The following FBF1 variants were observed in gnomAD, a reference collection of about 807,000 sequenced individuals.
FBF1 encodes Fas binding factor 1, also known as fas-binding factor 1.
In FBF1, 119 loss-of-function variants were observed where a neutral mutation model predicts 147.2. The observed-to-expected ratio is 0.81, with a 90% CI of 0.70 to 0.94. FBF1 has a LOEUF of 0.94. FBF1 is among the 40% of genes least tolerant of loss of function. The pLI is 0.00. For synonymous variants in FBF1, 601 were observed against 609.0 expected (o/e 0.99, Z 0.19); for missense variants, 1,449 against 1,500.8 (o/e 0.97, Z 0.57).
chr17:75,919,705 T>A lies in FBF1; in HGVS notation c.2101A>T (p.Lys701Ter). ...QRRLAAIAQE[K>*]DQEMERLREL... Reference sequence around the variant, plus strand: ...CGGAGCCGCTCCATTTCCTGGTCCTTCTCCTGCGCTATGGCCGCCAAGCGC... The same window carrying A: ...CGGAGCCGCTCCATTTCCTGGTCCTACTCCTGCGCTATGGCCGCCAAGCGC... Residue 701 changes from lysine (K) to a stop codon, truncating the protein, a stop_gained, in exon 20 of 30, where the codon AAG becomes TAG. Coordinates refer to ENST00000636174, the MANE Select transcript of FBF1 (RefSeq NM_001319193.2). LOFTEE classifies it high-confidence loss of function. This position sits in a 1 kb window ranked among gnomAD's most constrained non-coding sequence, Gnocchi z 5.0. 1 of 1,611,914 alleles carries A rather than the reference T, an allele frequency of 6.2e-7. No homozygotes were observed. Among genetic ancestry groups the A allele is most frequent in the African/African-American group, 1.3e-5 (1 of 74,950 alleles).
rs1217424617 is a variant in FBF1 at position 75,928,502 on chromosome 17, C to A, written c.280-309G>T. ...TGGCTGGTCTCGGGAAAAAAGCTTTCTTTTTTTTCTTTTTTTAGACAGGAT... is the reference window on the plus strand; with the variant it reads ...TGGCTGGTCTCGGGAAAAAAGCTTTATTTTTTTTCTTTTTTTAGACAGGAT... On this transcript the variant is annotated intron_variant, in intron 7 of 29. Coordinates refer to ENST00000636174, the MANE Select transcript of FBF1 (RefSeq NM_001319193.2). The surrounding 1 kb of genome is among the most constrained non-coding windows in gnomAD (Gnocchi z 4.2). Among the ~76,000 whole-genome samples, 2 of 151,872 alleles carry A rather than the reference C, an allele frequency of 1.3e-5. No individual in the cohort carries two copies. Among genetic ancestry groups the A allele is most frequent in the African/African-American group, 4.8e-5 (2 of 41,336 alleles).
intron 5 of FBF1, 38 bp from the exon 6 acceptor site, chr17:75,931,327 G>A (rs2065593524): frequency 1.3e-6 from 2 of 1,548,298 alleles, no homozygotes; most frequent in Non-Finnish European, 1.8e-6. Context: ...CTGCATCCCA[G>A]GGCACTGGAT....
intron 28 of FBF1, among the ~76,000 whole-genome samples, chr17:75,912,766 C>A (rs978541475): frequency 6.6e-6 from 1 of 152,204 alleles, no homozygotes; most frequent in East Asian, 1.9e-4. Context: ...CCAGGCTGGG[C>A]GCGTTGGCTC....
rs199593184 is a variant in FBF1, at chr17:75,917,954, C to T, written c.2363G>A (p.Arg788Gln). The T allele has an allele frequency of 6.9e-5, 110 of 1,604,272 alleles. No individual in the cohort carries two copies. In the African/African-American group the frequency reaches 1.0e-3, roughly 15 times the overall value. ...TTSQERELGI[R>Q]QRDEQLRALQ... Reference sequence around the variant, plus strand: ...ACCCCGCAGCTGCTCGTCACGCTGCCGGATCCCCAGCTCCCGCTCCTGGGA... The same window carrying T: ...ACCCCGCAGCTGCTCGTCACGCTGCTGGATCCCCAGCTCCCGCTCCTGGGA... The change falls in exon 22 of 30, where the codon CGG (arginine) becomes CAG (glutamine). Residue 788 changes from arginine to glutamine, a missense_variant. By Grantham distance (43) the Arg-to-Gln change is conservative. Transcript: ENST00000636174.
chr17:75,932,993 A>G lies in FBF1; in HGVS notation c.167+2T>C. 1 of 1,593,736 alleles carries G rather than the reference A, an allele frequency of 6.3e-7. No individual in the cohort carries two copies. ...GGATACCCAGTCGGACCCTGCCCTTACTTTGTTCTCGCCTTTGAAGAAGGG... is the reference window on the plus strand; with the variant it reads ...GGATACCCAGTCGGACCCTGCCCTTGCTTTGTTCTCGCCTTTGAAGAAGGG... On this transcript the variant is annotated splice_donor_variant, in intron 5 of 29. Coordinates refer to ENST00000636174, the MANE Select transcript of FBF1 (RefSeq NM_001319193.2). LOFTEE classifies it high-confidence loss of function.
At chr17:75,938,276 T>G in intron 1 of FBF1, 44 bp from the exon 2 acceptor site, 3 of 1,416,704 alleles carry the variant, frequency 2.1e-6, no homozygotes, top group Non-Finnish European at 2.9e-6. Context: ...TGATGTAGCT[T>G]TGGCTGGGCG....
chr17:75,934,555 CAAAA>C (rs974439444), intron 4 of FBF1, among the ~76,000 whole-genome samples: 1 of 84,368 alleles, frequency 1.2e-5, no homozygotes. Flanking sequence ...GACTCTGTCT[CAAAA>C]AAAAAAAAAA....
chr17:75,917,689 C>T (rs2065496714), intron 23 of FBF1, 43 bp downstream of exon 23: 4 of 1,515,698 alleles, frequency 2.6e-6, no homozygotes, highest in Non-Finnish European at 2.7e-6. Flanking sequence ...GAGAAGAGGC[C>T]CCGTGGCAGG....
rs962124034 is a variant in FBF1 at position 75,919,166 on chromosome 17, C to T, written c.2138+502G>A. On this transcript the variant is annotated intron_variant, in intron 20 of 29. Coordinates refer to ENST00000636174, the MANE Select transcript of FBF1 (RefSeq NM_001319193.2). The surrounding 1 kb of genome is among the most constrained non-coding windows in gnomAD (Gnocchi z 5.0). ...AAGTGATCCTCCCACCTCGGCCTCC[C>T]AAAGTGCTGGGATTACAGGTGTGAG... 6.6e-6 allele frequency among the ~76,000 whole-genome samples: 1 copy of T among 152,188 alleles called. No individual in the cohort carries two copies. Among genetic ancestry groups the T allele is most frequent in the Non-Finnish European group, 1.5e-5 (1 of 68,032 alleles).
At position 75,910,405 on chromosome 17, in the gene FBF1, C is replaced by T; in HGVS notation, c.*318G>A. On this transcript the variant is annotated 3_prime_UTR_variant, in exon 30 of 30. Transcript: ENST00000636174. This position sits in a 1 kb window ranked among gnomAD's most constrained non-coding sequence, Gnocchi z 4.1. ...TGGAGCAGGGGGAGCCCACAGAGCCCAGGGGGAGCCCACAGAGCCCAGTGA... is the reference window on the plus strand; with the variant it reads ...TGGAGCAGGGGGAGCCCACAGAGCCTAGGGGGAGCCCACAGAGCCCAGTGA... 1 of 386,816 alleles carries T rather than the reference C, an allele frequency of 2.6e-6. No individual in the cohort carries two copies. The highest frequency in any genetic ancestry group is 4.8e-6 in the Non-Finnish European group (1 of 209,380). 24.0% of individuals were successfully genotyped at this position (386,816 alleles called of 1,614,324 possible). A position where few individuals can be genotyped will look rare whatever the true frequency, so the allele number is the denominator to read the frequency against.
At position 75,923,076 on chromosome 17, in the gene FBF1, G is replaced by T; in HGVS notation, c.1424+110C>A. ...GCGGCCTCTGTGGCCACGGCGCCCT[G>T]CCTTGTTCCCCAACTGCTGACTGAG... On this transcript the variant is annotated intron_variant, in intron 14 of 29. Coordinates refer to ENST00000636174, the MANE Select transcript of FBF1 (RefSeq NM_001319193.2). The surrounding 1 kb of genome is among the most constrained non-coding windows in gnomAD (Gnocchi z 4.1). 3 of 1,154,326 alleles carry T rather than the reference G, an allele frequency of 2.6e-6. No homozygotes were observed. The highest frequency in any genetic ancestry group is 2.6e-5 in the East Asian group (1 of 38,728). The allele number at this position is 1,154,326 out of a possible 1,614,324, so 71.5% of individuals were successfully genotyped here.
chr17:75,918,529 ACT>A lies in FBF1; in HGVS notation c.2139-262_2139-261del, dbSNP rs2065503396. Among the ~76,000 whole-genome samples the A allele has an allele frequency of 6.6e-6, 1 of 151,818 alleles. No individual in the cohort carries two copies. Among genetic ancestry groups the A allele is most frequent in the African/African-American group, 2.4e-5 (1 of 41,380 alleles). Reference sequence around the variant, plus strand: ...TTTGCTCTGTCACCCAGAGTCTCTCACTCTGTCGCCCAGGCTGGAGTTCAGTG... The same window carrying A: ...TTTGCTCTGTCACCCAGAGTCTCTCACTGTCGCCCAGGCTGGAGTTCAGTG... On this transcript the variant is annotated intron_variant, in intron 20 of 29. Coordinates refer to ENST00000636174, the MANE Select transcript of FBF1 (RefSeq NM_001319193.2). The surrounding 1 kb of genome is among the most constrained non-coding windows in gnomAD (Gnocchi z 5.8).
chr17:75,923,085 C>T lies in FBF1; in HGVS notation c.1424+101G>A. ...GTGGCCACGGCGCCCTGCCTTGTTC[C>T]CCAACTGCTGACTGAGGCTGCAACA... On this transcript the variant is annotated intron_variant, in intron 14 of 29. Transcript: ENST00000636174. This position sits in a 1 kb window ranked among gnomAD's most constrained non-coding sequence, Gnocchi z 4.1. 8.1e-7 allele frequency: 1 copy of T among 1,239,730 alleles called. No individual in the cohort carries two copies. The highest frequency in any genetic ancestry group is 1.1e-6 in the Non-Finnish European group (1 of 904,868). 76.8% of individuals were successfully genotyped at this position (1,239,730 alleles called of 1,614,324 possible).
intron 9 of FBF1, among the ~76,000 whole-genome samples, chr17:75,927,120 G>A (rs75944799): frequency 0.013 from 2,008 of 152,284 alleles, 55 homozygotes; most frequent in African/African-American, 0.046. Flanking sequence ...CTTGCCGGTG[G>A]GGCCTCTGAC....
intron 1 of FBF1, chr17:75,939,735 T>A (rs886268280): frequency 1.3e-5 from 2 of 151,968 alleles, no homozygotes; most frequent in East Asian, 3.9e-4. Context: ...TCCCTTTACA[T>A]AGGCAGTAAA....
At position 75,923,780 on chromosome 17, in the gene FBF1, G is replaced by A. The variant is rs1212125224; in HGVS notation, c.969-139C>T. The A allele has an allele frequency of 8.7e-6, 7 of 807,348 alleles. No individual in the cohort carries two copies. Among genetic ancestry groups the A allele is most frequent in the Admixed American group, 5.8e-5 (2 of 34,236 alleles). The allele number at this position is 807,348 out of a possible 1,614,324, so 50.0% of individuals were successfully genotyped here. On this transcript the variant is annotated intron_variant, in intron 13 of 29. Transcript: ENST00000636174. The surrounding 1 kb of genome is among the most constrained non-coding windows in gnomAD (Gnocchi z 4.1). ...CCCAGTGAGCAGTGGCTCCTGGACC[G>A]GCTCAGGTGGCAGGCCACGTGCTGT...
chr17:75,924,858 T>C (rs957990005), intron 13 of FBF1, among the ~76,000 whole-genome samples: 7 of 152,166 alleles, frequency 4.6e-5, no homozygotes, highest in Non-Finnish European at 5.9e-5. Context: ...CAGAAAATCC[T>C]ATCACTGATT....
In FBF1 at chr17:75,921,467, C is replaced by A. The variant is rs1218548559; in HGVS notation, c.1615+5G>T. ...CCCAAATGAAGCAGCAAACAAAAAA[C>A]AAACCAGTGGCTGAGAGGTCTCCAG... On this transcript the variant is annotated splice_donor_5th_base_variant and intron_variant, in intron 16 of 29. Transcript: ENST00000636174. 1 of 1,611,246 alleles carries A rather than the reference C, an allele frequency of 6.2e-7. No homozygotes were observed. The highest frequency in any genetic ancestry group is 8.5e-7 in the Non-Finnish European group (1 of 1,178,824).
rs1217868224 is a variant in FBF1, at chr17:75,926,195, A to G, written c.735-32T>C. 3.1e-6 allele frequency: 5 copies of G among 1,605,454 alleles called. No homozygotes were observed. In the East Asian group the frequency reaches 1.1e-4, roughly 36 times the overall value. ...GACGGGACACACGGCAGGAACGTGT[A>G]GGTATGAGGGGCTCTCGGGAATCCC... On this transcript the variant is annotated intron_variant, in intron 11 of 29. Coordinates refer to ENST00000636174, the MANE Select transcript of FBF1 (RefSeq NM_001319193.2).
Sources: gnomAD v4.1 joint callset for allele counts (sites outside exome capture counted in the v4.1 genomes callset) on GRCh38, gnomAD v4.1.1 for gene constraint, Gnocchi (gnomAD v3.1) non-coding constraint, MANE v1.5 for transcripts, NCBI Gene and HGNC (gene_info 2026-07-23, HGNC 2026-07-21) for gene names.